Variants in HDAC1 observed in about 807,000 individuals in gnomAD.
HDAC1 encodes protein deacetylase HDAC1.
A neutral mutation model predicts 65.5 loss-of-function variants in HDAC1; 18 were observed. That is an observed-to-expected ratio of 0.27 (90% CI 0.19 to 0.41). The LOEUF is 0.41. Ranked by LOEUF, HDAC1 falls within the 10% of genes least tolerant of loss-of-function variation. The pLI is 1.00. For missense variants in HDAC1, 373 were observed against 625.2 expected (o/e 0.60, Z 4.30); for synonymous variants, 211 against 227.9 (o/e 0.93, Z 0.67).
At chr1:32,301,737 T>C (rs1268451745) in intron 1 of HDAC1, among the ~76,000 whole-genome samples, 2 of 152,158 alleles carry the variant, frequency 1.3e-5, no homozygotes, top group African/African-American at 4.8e-5. Flanking sequence ...ACCACTGCAC[T>C]CCAGCTTGGG....
At chr1:32,314,459 C>G (rs2148063964) in intron 2 of HDAC1, among the ~76,000 whole-genome samples, 1 of 152,200 alleles carries the variant, frequency 6.6e-6, no homozygotes, top group Middle Eastern at 3.4e-3. Flanking sequence ...TCCCGAAGTA[C>G]TGGGATTTTA....
At chr1:32,332,910 C>G in intron 13 of HDAC1, 107 bp from the exon 14 acceptor site, 1 of 1,262,796 alleles carries the variant, frequency 7.9e-7, no homozygotes, top group Admixed American at 1.9e-5. Context: ...GAGCTAGGAG[C>G]CCCAGCCCCC....
chr1:32,322,820 T>C (rs1054405058), intron 3 of HDAC1, among the ~76,000 whole-genome samples: 4 of 152,206 alleles, frequency 2.6e-5, no homozygotes, highest in Non-Finnish European at 5.9e-5. Flanking sequence ...ACCCTGATTC[T>C]GGTTCTGCTA....
chr1:32,330,610 T>C lies in HDAC1; in HGVS notation c.762T>C (p.Pro254=). The part of the protein sequence containing the change: ...VMSKVMEMFQ[P]SAVVLQCGSD... ...CCAAAGTAATGGAGATGTTCCAGCC[T>C]AGTGCGGTGGTCTTACAGTGTGGCT... Residue 254 remains proline (P), a synonymous_variant, in exon 8 of 14, where the codon CCT becomes CCC. Coordinates refer to ENST00000373548, the MANE Select transcript of HDAC1 (RefSeq NM_004964.3). This position sits in a 1 kb window ranked among gnomAD's most constrained non-coding sequence, Gnocchi z 4.2. 6.2e-7 allele frequency: 1 copy of C among 1,613,796 alleles called. No homozygotes were observed. Among genetic ancestry groups the C allele is most frequent in the Admixed American group, 1.7e-5 (1 of 60,018 alleles).
chr1:32,312,477 A>G (rs1641003660), intron 2 of HDAC1, among the ~76,000 whole-genome samples: 1 of 148,154 alleles, frequency 6.7e-6, no homozygotes, highest in African/African-American at 2.5e-5. Context: ...GCTTTGCCTC[A>G]GCCTCCCGAG....
At chr1:32,303,773 G>A (rs752462837) in intron 2 of HDAC1, among the ~76,000 whole-genome samples, 6 of 151,798 alleles carry the variant, frequency 4.0e-5, no homozygotes, top group Non-Finnish European at 7.4e-5. Flanking sequence ...GAGGTGGGAG[G>A]ACCACTTGAG....
At chr1:32,323,556 C>G (rs923162572) in intron 3 of HDAC1, among the ~76,000 whole-genome samples, 1 of 152,024 alleles carries the variant, frequency 6.6e-6, no homozygotes, top group Non-Finnish European at 1.5e-5. Context: ...TGCCACCACA[C>G]CTGGCTAATT....
chr1:32,303,989 C>T (rs1640881193), intron 2 of HDAC1, among the ~76,000 whole-genome samples: 1 of 152,130 alleles, frequency 6.6e-6, no homozygotes, highest in Admixed American at 6.6e-5. Flanking sequence ...TCTCTGGAGA[C>T]AGTGAGGAGG....
At chr1:32,324,149 CTGTAGTCCAAAGTACT>C (rs1423125322) in intron 3 of HDAC1, among the ~76,000 whole-genome samples, 1 of 151,820 alleles carries the variant, frequency 6.6e-6, no homozygotes, top group African/African-American at 2.4e-5. Flanking sequence ...TGGCATGCAC[CTGTAGTCCAAAGTACT>C]TGGGAGACTG....
intron 2 of HDAC1, among the ~76,000 whole-genome samples, chr1:32,303,288 G>A (rs1640873342): frequency 6.6e-6 from 1 of 151,764 alleles, no homozygotes. Flanking sequence ...AACATGGCAA[G>A]ACCTCATCTC....
intron 1 of HDAC1, among the ~76,000 whole-genome samples, chr1:32,298,024 T>C (rs1308719116): frequency 1.3e-5 from 2 of 150,230 alleles, no homozygotes; most frequent in East Asian, 2.0e-4. Context: ...CTCCTGACCT[T>C]GTGATTCGCC....
At chr1:32,297,638 T>G (rs945412143) in intron 1 of HDAC1, among the ~76,000 whole-genome samples, 4 of 152,016 alleles carry the variant, frequency 2.6e-5, no homozygotes, top group Non-Finnish European at 5.9e-5. Flanking sequence ...GGGGACGGAG[T>G]CTTGCTCTGT....
Position 32,331,019 on chromosome 1 carries a change from C to T in HDAC1, c.979+111C>T. 1.1e-6 allele frequency: 1 copy of T among 924,054 alleles called. No homozygotes were observed. 57.2% of individuals were successfully genotyped at this position (924,054 alleles called of 1,614,324 possible). On this transcript the variant is annotated intron_variant, in intron 9 of 13. Coordinates refer to ENST00000373548, the MANE Select transcript of HDAC1 (RefSeq NM_004964.3). This position sits in a 1 kb window ranked among gnomAD's most constrained non-coding sequence, Gnocchi z 4.2. ...TCATATGACCGCTCCTCTTCTGATA[C>T]TAGTCACTGAGTCTCCTGCCTGTCC...
intron 3 of HDAC1, among the ~76,000 whole-genome samples, chr1:32,322,768 T>G (rs1641164522): frequency 6.6e-6 from 1 of 152,204 alleles, no homozygotes; most frequent in East Asian, 1.9e-4. Context: ...TCACTGTGAA[T>G]GTAGCAGTAA....
rs562972484 is a variant in HDAC1 at position 32,332,557 on chromosome 1, T to C, written c.1373-144T>C. The C allele has an allele frequency of 1.8e-5, 12 of 681,790 alleles. No individual in the cohort carries two copies. In the Admixed American group the frequency reaches 2.7e-4, roughly 16 times the overall value. The allele number at this position is 681,790 out of a possible 1,614,324, so 42.2% of individuals were successfully genotyped here. The stretch of plus-strand genomic sequence containing the variant: ...CAGTCCAACCTGTTCTCAACAGGGC[T>C]CACTGGGAGGACCAGGGATGGGCTT... On this transcript the variant is annotated intron_variant, in intron 12 of 13. Transcript: ENST00000373548.
At chr1:32,296,794 T>G (rs72890114) in intron 1 of HDAC1, among the ~76,000 whole-genome samples, 7 of 152,076 alleles carry the variant, frequency 4.6e-5, no homozygotes, top group Non-Finnish European at 1.0e-4. Flanking sequence ...TTATGGAAAA[T>G]AGCCAGAAGA....
Position 32,330,995 on chromosome 1 carries a change from C to A in HDAC1, c.979+87C>A. 1.6e-6 allele frequency: 2 copies of A among 1,232,372 alleles called. No individual in the cohort carries two copies. The highest frequency in any genetic ancestry group is 1.3e-5 in the South Asian group (1 of 78,548). The allele number at this position is 1,232,372 out of a possible 1,614,324, so 76.3% of individuals were successfully genotyped here. ...AGTTTATAACCCCTTCCCCGTTGGT[C>A]ATATGACCGCTCCTCTTCTGATACT... On this transcript the variant is annotated intron_variant, in intron 9 of 13. Coordinates refer to ENST00000373548, the MANE Select transcript of HDAC1 (RefSeq NM_004964.3). This position sits in a 1 kb window ranked among gnomAD's most constrained non-coding sequence, Gnocchi z 4.2.
At chr1:32,300,074 G>T (rs543029340) in intron 1 of HDAC1, among the ~76,000 whole-genome samples, 1 of 151,766 alleles carries the variant, frequency 6.6e-6, no homozygotes, top group East Asian at 2.0e-4. Flanking sequence ...AAAGAAAAAA[G>T]GAAAATCCAA....
chr1:32,331,479 C>T lies in HDAC1; in HGVS notation c.985C>T (p.Pro329Ser), dbSNP rs1641290955. Reference sequence around the variant, plus strand: ...TTCTCTCCTGCCCCAATCAGAGCTTCCATACAATGACTACTTTGAATACTT... The same window carrying T: ...TTCTCTCCTGCCCCAATCAGAGCTTTCATACAATGACTACTTTGAATACTT... ...ALDTEIPNELPYNDYFEYFGP... is the reference protein window; with the variant it reads ...ALDTEIPNELSYNDYFEYFGP... The change falls in exon 10 of 14, where the codon CCA becomes TCA. Residue 329 changes from proline (P) to serine (S), a missense_variant. Pro to Ser is a moderately conservative substitution (Grantham distance 74). Transcript: ENST00000373548. The surrounding 1 kb of genome is among the most constrained non-coding windows in gnomAD (Gnocchi z 4.2). 6.3e-7 allele frequency: 1 copy of T among 1,595,948 alleles called. No homozygotes were observed. The highest frequency in any genetic ancestry group is 8.6e-7 in the Non-Finnish European group (1 of 1,163,492).
Sources: allele counts gnomAD v4.1 joint callset (sites outside exome capture counted in the v4.1 genomes callset), GRCh38; gene constraint gnomAD v4.1.1; non-coding constraint Gnocchi (gnomAD v3.1); transcripts MANE v1.5; gene names NCBI Gene and HGNC (gene_info 2026-07-23, HGNC 2026-07-21).